The following ZNF512 variants were observed in gnomAD, a reference collection of about 807,000 sequenced individuals.
ZNF512 encodes zinc finger protein 512.
ZNF512 carries 25 observed loss-of-function variants against 77.5 expected under a neutral mutation model. The observed-to-expected ratio is 0.32, with a 90% CI of 0.23 to 0.45. The LOEUF (loss-of-function observed/expected upper bound fraction) is 0.45. Ranked by LOEUF, ZNF512 falls within the 20% of genes least tolerant of loss-of-function variation. The probability of loss-of-function intolerance (pLI) is 1.00; values close to 1 mark genes in which losing one functional copy is unlikely to be tolerated. For missense variants in ZNF512, 483 were observed against 692.6 expected (o/e 0.70, Z 3.40); for synonymous variants, 246 against 239.9 (o/e 1.03, Z -0.24).
intron 2 of ZNF512, among the ~76,000 whole-genome samples, chr2:27,589,476 C>CT (rs1287153724): frequency 6.6e-6 from 1 of 152,030 alleles, no homozygotes; most frequent in Admixed American, 6.6e-5. Flanking sequence ...TTTGTAGTGT[C>CT]TTTTTTTGTA....
intron 13 of ZNF512, 65 bp from the exon 14 acceptor site, chr2:27,621,088 T>C: frequency 6.5e-7 from 1 of 1,549,308 alleles, no homozygotes; most frequent in Non-Finnish European, 8.7e-7. Context: ...CCATTCTTCC[T>C]CCACCTTTCT....
intron 2 of ZNF512, among the ~76,000 whole-genome samples, chr2:27,595,648 G>A (rs778062914): frequency 2.6e-5 from 4 of 152,012 alleles, no homozygotes; most frequent in Non-Finnish European, 4.4e-5. Context: ...TCTATTGAAC[G>A]GTCTTCAAGT....
rs1672442859 is a variant in ZNF512 at position 27,607,917 on chromosome 2, C to A, written c.1009C>A (p.Arg337=). The change falls in exon 10 of 14, where the codon CGA becomes AGA. Residue 337 remains arginine, a synonymous_variant. Coordinates refer to ENST00000355467, the MANE Select transcript of ZNF512 (RefSeq NM_032434.4). ...EMNLESKSGG[R]VQRRSAKIAV... is the part of the protein sequence containing the mutation. ...GAACCTAGAGTCAAAGAGTGGGGGC[C>A]GAGTTCAGAGACGTTCTGCCAAGAT... The A allele has an allele frequency of 6.2e-6, 10 of 1,614,000 alleles. No homozygotes were observed. The highest frequency in any genetic ancestry group is 8.5e-6 in the Non-Finnish European group (10 of 1,179,992).
In ZNF512 at chr2:27,623,098, GTT is replaced by G; in HGVS notation, c.*1639_*1640del. ...AGAAATAAATGACTCTCAGAAAGAT[GTT>G]TCCAGTGTTCTTTGACGCCGACCTG... On this transcript the variant is annotated 3_prime_UTR_variant, in exon 14 of 14. Transcript: ENST00000355467. The G allele has an allele frequency of 6.5e-6, 1 of 152,764 alleles. No homozygotes were observed. The highest frequency in any genetic ancestry group is 2.4e-5 in the African/African-American group (1 of 41,558). The allele number at this position is 152,764 out of a possible 1,614,324, so 9.5% of individuals were successfully genotyped here.
intron 9 of ZNF512, among the ~76,000 whole-genome samples, chr2:27,605,422 C>G (rs1190441745): frequency 1.3e-5 from 2 of 151,882 alleles, no homozygotes; most frequent in African/African-American, 4.8e-5. Context: ...CCACTGCACT[C>G]CAGCCTGGGT....
chr2:27,586,521 C>T (rs1184174352), intron 2 of ZNF512, among the ~76,000 whole-genome samples: 2 of 152,146 alleles, frequency 1.3e-5, no homozygotes, highest in African/African-American at 4.8e-5. Context: ...TGAGCCACTG[C>T]GCCTGTCCCA....
intron 10 of ZNF512, among the ~76,000 whole-genome samples, chr2:27,613,331 A>G (rs1326218680): frequency 2.0e-5 from 3 of 151,990 alleles, no homozygotes; most frequent in South Asian, 4.2e-4. Context: ...CCCTGTCTCT[A>G]CTAAAAATAC....
At chr2:27,621,070 C>T (rs1372952003) in intron 13 of ZNF512, 83 bp from the exon 14 acceptor site, 1 of 1,483,874 alleles carries the variant, frequency 6.7e-7, no homozygotes, top group Non-Finnish European at 9.1e-7. Context: ...CCTAATCATG[C>T]CTTTTTTCCA....
At chr2:27,600,625 G>A in intron 5 of ZNF512, 66 bp from the exon 6 acceptor site, 1 of 1,549,932 alleles carries the variant, frequency 6.5e-7, no homozygotes, top group Non-Finnish European at 8.7e-7. Flanking sequence ...CCTAAATCGT[G>A]GGATTATGCT....
chr2:27,617,625 C>T, intron 13 of ZNF512, 54 bp downstream of exon 13: 1 of 788,470 alleles, frequency 1.3e-6, no homozygotes, highest in East Asian at 2.4e-5. Flanking sequence ...GAGAGGTAGA[C>T]TTTGTCCCTA....
chr2:27,604,907 T>G (rs1294434131), intron 9 of ZNF512, among the ~76,000 whole-genome samples: 2 of 152,248 alleles, frequency 1.3e-5, no homozygotes, highest in Non-Finnish European at 2.9e-5. Flanking sequence ...CCCTATAGTT[T>G]TACCCTTTTC....
Position 27,623,028 on chromosome 2 carries a change from T to G in ZNF512, c.*1567T>G, listed in dbSNP as rs1673186166. 6.5e-6 allele frequency: 1 copy of G among 152,804 alleles called. No homozygotes were observed. The highest frequency in any genetic ancestry group is 6.5e-5 in the Admixed American group (1 of 15,282). 9.5% of individuals were successfully genotyped at this position (152,804 alleles called of 1,614,324 possible). ...GGGAGGAGAAATGAAGAAGCTATGTTAATTTCTGGTGAGTAAGACCTGGGG... is the reference window on the plus strand; with the variant it reads ...GGGAGGAGAAATGAAGAAGCTATGTGAATTTCTGGTGAGTAAGACCTGGGG... On this transcript the variant is annotated 3_prime_UTR_variant, in exon 14 of 14. Coordinates refer to ENST00000355467, the MANE Select transcript of ZNF512 (RefSeq NM_032434.4).
At chr2:27,616,410 G>T (rs1672881147) in intron 12 of ZNF512, 86 bp downstream of exon 12, 3 of 1,058,700 alleles carry the variant, frequency 2.8e-6, no homozygotes, top group Non-Finnish European at 4.4e-6. Flanking sequence ...TGAACAGCTA[G>T]TTGTCCTGTT....
chr2:27,594,396 C>T lies in ZNF512; in HGVS notation c.90-3671C>T, dbSNP rs1384094353. On this transcript the variant is annotated intron_variant, in intron 2 of 13. Coordinates refer to ENST00000355467, the MANE Select transcript of ZNF512 (RefSeq NM_032434.4). ...AGAAGGGGTGGCGGCCGGGCAGAGACGCTCCTCACCTCCCAGACGGGGTGG... is the reference window on the plus strand; with the variant it reads ...AGAAGGGGTGGCGGCCGGGCAGAGATGCTCCTCACCTCCCAGACGGGGTGG... 9.5e-4 allele frequency among the ~76,000 whole-genome samples: 112 copies of T among 118,390 alleles called. 1 individual carries two copies. The highest frequency in any genetic ancestry group is 2.9e-3 in the African/African-American group (87 of 29,710). The allele number at this position is 118,390 out of a possible 152,430, so 77.7% of individuals were successfully genotyped here.
Position 27,621,703 on chromosome 2 carries a change from G to T in ZNF512, c.*242G>T. 4.7e-6 allele frequency: 2 copies of T among 425,780 alleles called. No homozygotes were observed. The highest frequency in any genetic ancestry group is 8.5e-6 in the Non-Finnish European group (2 of 235,972). 26.4% of individuals were successfully genotyped at this position (425,780 alleles called of 1,614,324 possible). ...CTCTTGTTTTTTTATCTTGCCCAAA[G>T]AGCTCCCTCTCAAGGCCAACTATAG... On this transcript the variant is annotated 3_prime_UTR_variant, in exon 14 of 14. Transcript: ENST00000355467.
intron 12 of ZNF512, 21 bp downstream of exon 12, chr2:27,616,345 A>G (rs1672878347): frequency 6.3e-7 from 1 of 1,592,198 alleles, no homozygotes; most frequent in Admixed American, 1.7e-5. Flanking sequence ...TTTTAAACTT[A>G]CTATCTTAAC....
chr2:27,603,420 C>T, intron 9 of ZNF512, 113 bp downstream of exon 9: 1 of 1,131,792 alleles, frequency 8.8e-7, no homozygotes, highest in South Asian at 1.7e-5. Context: ...CTTTTAATCT[C>T]TGAATGCTTG....
chr2:27,587,919 A>ATTTTCCCCTTTAAGTCTTCTTAATTACTC (rs1219516139), intron 2 of ZNF512, among the ~76,000 whole-genome samples: 8 of 148,664 alleles, frequency 5.4e-5, no homozygotes, highest in Non-Finnish European at 9.0e-5. Context: ...ACCTCAGGTG[A>ATTTTCCCCTTTAAGTCTTCTTAATTACTC]TCTGCCCACC....
intron 2 of ZNF512, among the ~76,000 whole-genome samples, chr2:27,593,249 A>C (rs1017481288): frequency 1.0e-4 from 15 of 143,976 alleles, no homozygotes; most frequent in African/African-American, 3.8e-4. Flanking sequence ...CACACACAAA[A>C]GAATGAGCTG....
Sources: gnomAD v4.1 joint callset for allele counts (sites outside exome capture counted in the v4.1 genomes callset) on GRCh38, gnomAD v4.1.1 for gene constraint, MANE v1.5 for transcripts, NCBI Gene and HGNC (gene_info 2026-07-23, HGNC 2026-07-21) for gene names.